The following DYNC1I1 variants were observed in gnomAD, a reference collection of about 807,000 sequenced individuals.
DYNC1I1 encodes the protein dynein cytoplasmic 1 intermediate chain 1.
DYNC1I1 carries 43 observed loss-of-function variants against 86.6 expected under a neutral mutation model. The ratio of observed to expected loss-of-function variants is 0.50; its 90% CI spans 0.39 to 0.64. The LOEUF is 0.64. DYNC1I1 is among the 30% of genes least tolerant of loss of function. The probability of loss-of-function intolerance (pLI) is 0.00; values close to 1 mark genes in which losing one functional copy is unlikely to be tolerated. For missense variants in DYNC1I1, 604 were observed against 788.8 expected (o/e 0.77, Z 2.81); for synonymous variants, 262 against 283.7 (o/e 0.92, Z 0.77).
At chr7:96,061,712 TCACACACACACA>T (rs147547424) in intron 14 of DYNC1I1, among the ~76,000 whole-genome samples, 1 of 136,814 alleles carries the variant, frequency 7.3e-6, no homozygotes, top group East Asian at 2.2e-4. Context: ...TCTCTCTCTC[TCACACACACACA>T]CACACACACA....
In DYNC1I1 at chr7:96,106,523, G is replaced by A. The variant is rs192805160; in HGVS notation, c.1543-3456G>A. ...GCACTCCAGCCTGGGCAACAAGAGC[G>A]AAACCCTGTCTCAAAAAAAAGAAAA... On this transcript the variant is annotated intron_variant, in intron 16 of 16. Transcript: ENST00000537881. Among the ~76,000 whole-genome samples the A allele has an allele frequency of 9.7e-3, 1,470 of 151,736 alleles. 17 individuals are homozygous for A. Among genetic ancestry groups the A allele is most frequent in the African/African-American group, 0.034 (1,401 of 41,360 alleles).
chr7:95,918,403 CTCCTCCCCA>C (rs1194796911), intron 6 of DYNC1I1, among the ~76,000 whole-genome samples: 1 of 152,118 alleles, frequency 6.6e-6, no homozygotes, highest in Non-Finnish European at 1.5e-5. Flanking sequence ...TCTTGTTCTT[CTCCTCCCCA>C]CTTGCTAACC....
chr7:95,971,492 A>T (rs1793169481), intron 6 of DYNC1I1, among the ~76,000 whole-genome samples: 1 of 152,178 alleles, frequency 6.6e-6, no homozygotes, highest in African/African-American at 2.4e-5. Context: ...ATATCCAAAA[A>T]AACAAACAAA....
downstream of DYNC1I1, among the ~76,000 whole-genome samples, chr7:96,100,720 C>G (rs1791122893): frequency 6.8e-6 from 1 of 147,160 alleles, no homozygotes; most frequent in Admixed American, 6.9e-5. Flanking sequence ...TATACTCTGG[C>G]AAGGAGCCTA....
At chr7:95,881,275 A>G (rs562599972) in intron 6 of DYNC1I1, among the ~76,000 whole-genome samples, 9 of 152,312 alleles carry the variant, frequency 5.9e-5, no homozygotes, top group African/African-American at 1.9e-4. Context: ...ATGTGTGTCA[A>G]TGCTGAGCCT....
chr7:95,785,803 AT>A (rs1794127014), intron 1 of DYNC1I1, among the ~76,000 whole-genome samples: 1 of 131,112 alleles, frequency 7.6e-6, no homozygotes, highest in Non-Finnish European at 1.6e-5. Flanking sequence ...ATATATATAT[AT>A]ATATATATAT....
intron 16 of DYNC1I1, among the ~76,000 whole-genome samples, chr7:96,091,863 G>T (rs1790858397): frequency 6.6e-6 from 1 of 152,116 alleles, no homozygotes; most frequent in African/African-American, 2.4e-5. Flanking sequence ...TAAAAATGAA[G>T]AATCCCACTG....
At chr7:95,830,980 A>G (rs1440157305) in intron 5 of DYNC1I1, among the ~76,000 whole-genome samples, 2 of 152,116 alleles carry the variant, frequency 1.3e-5, no homozygotes, top group African/African-American at 4.8e-5. Context: ...AATGTTGAAT[A>G]TCTCTTTAGT....
intron 6 of DYNC1I1, among the ~76,000 whole-genome samples, chr7:95,949,339 T>C (rs1206720226): frequency 6.6e-6 from 1 of 152,176 alleles, no homozygotes; most frequent in Non-Finnish European, 1.5e-5. Context: ...AGTGCACTCA[T>C]CCTTGGAGCA....
intron 2 of DYNC1I1, among the ~76,000 whole-genome samples, chr7:95,808,423 C>G (rs960545736): frequency 7.9e-5 from 12 of 152,058 alleles, no homozygotes; most frequent in African/African-American, 2.9e-4. Context: ...AAATTACCAC[C>G]CTTTGCTCTT....
rs188439843 is a variant in DYNC1I1 at position 96,030,008 on chromosome 7, T to G, written c.1116+1687T>G. 2.0e-4 allele frequency among the ~76,000 whole-genome samples: 30 copies of G among 152,128 alleles called. No homozygotes were observed. The East Asian group carries it at 5.4e-3, about 27-fold the overall frequency. On this transcript the variant is annotated intron_variant, in intron 11 of 16. Coordinates refer to ENST00000447467, the MANE Select transcript of DYNC1I1 (RefSeq NM_001135556.2). ...TGTTGTTGTTGTTGTTGTTTTGGTT[T>G]TTTTCAGGGGGATTTTGTTTGTTTG...
At position 96,080,596 on chromosome 7, in the gene DYNC1I1, G is replaced by A. The variant is rs185659854; in HGVS notation, c.1776+108G>A. 5.5e-5 allele frequency: 87 copies of A among 1,585,528 alleles called. No individual in the cohort carries two copies. In the East Asian group the frequency reaches 1.4e-3, roughly 26 times the overall value. On this transcript the variant is annotated intron_variant, in intron 16 of 16. Transcript: ENST00000447467. ...GTAGGCCACAAGGACCCTCTCTAAC[G>A]TGCTTGTAAATTTCCATTGACTTCA...
rs183734143 is a variant in DYNC1I1 at position 95,975,057 on chromosome 7, C to T, written c.491-2455C>T. ...AAGCGGGATGTGGTTGCAGTTCCTT[C>T]GGGGGAAATTATTCTGTCTTCTCAT... On this transcript the variant is annotated intron_variant, in intron 6 of 16. Coordinates refer to ENST00000447467, the MANE Select transcript of DYNC1I1 (RefSeq NM_001135556.2). Among the ~76,000 whole-genome samples, 7 of 152,202 alleles carry T rather than the reference C, an allele frequency of 4.6e-5. No individual in the cohort carries two copies. The East Asian group carries it at 5.8e-4, about 13-fold the overall frequency.
intron 9 of DYNC1I1, among the ~76,000 whole-genome samples, chr7:95,992,531 G>C (rs1048837343): frequency 6.6e-6 from 1 of 152,146 alleles, no homozygotes; most frequent in African/African-American, 2.4e-5. Flanking sequence ...GCCTACCTTA[G>C]AGGGTTATGA....
chr7:96,073,437 A>G lies in DYNC1I1; in HGVS notation c.1510-2620A>G, dbSNP rs529251447. Among the ~76,000 whole-genome samples the G allele has an allele frequency of 1.5e-4, 23 of 152,386 alleles. No individual in the cohort carries two copies. In the South Asian group the frequency reaches 4.6e-3, roughly 30 times the overall value. ...TCAGAGAAGAAACTACTAAAACAAA[A>G]AAGGAAATAAAACACTGAAGATTTA... is the stretch of plus-strand genomic sequence containing the variant. On this transcript the variant is annotated intron_variant, in intron 14 of 16. Transcript: ENST00000447467.
In DYNC1I1 at chr7:95,958,459, G is replaced by A. The variant is rs530904346; in HGVS notation, c.491-19053G>A. 1.5e-4 allele frequency among the ~76,000 whole-genome samples: 23 copies of A among 152,162 alleles called. No individual in the cohort carries two copies. In the South Asian group the frequency reaches 3.1e-3, roughly 21 times the overall value. On this transcript the variant is annotated intron_variant, in intron 6 of 16. Transcript: ENST00000447467. ...TTTTTTTAAAACATTGGCCCGGAAA[G>A]CTAAAGAAGAAGGATGGCTTGAGCC...
intron 14 of DYNC1I1, among the ~76,000 whole-genome samples, chr7:96,046,661 G>C (rs561973756): frequency 2.0e-5 from 3 of 152,310 alleles, no homozygotes; most frequent in African/African-American, 7.2e-5. Flanking sequence ...TGGTCATCCA[G>C]GTGAGAGCCA....
chr7:95,889,728 A>G (rs987020231), intron 6 of DYNC1I1, among the ~76,000 whole-genome samples: 3 of 152,172 alleles, frequency 2.0e-5, no homozygotes, highest in African/African-American at 7.2e-5. Flanking sequence ...ATCTATAAAA[A>G]AACTTTAACA....
At chr7:95,954,354 C>G (rs890684679) in intron 6 of DYNC1I1, among the ~76,000 whole-genome samples, 3 of 151,752 alleles carry the variant, frequency 2.0e-5, no homozygotes, top group Non-Finnish European at 4.4e-5. Context: ...TCAGTTTACG[C>G]TAGCCTCACT....
Sources: gnomAD v4.1 joint callset for allele counts (sites outside exome capture counted in the v4.1 genomes callset) on GRCh38, gnomAD v4.1.1 for gene constraint, MANE v1.5 for transcripts, NCBI Gene and HGNC (gene_info 2026-07-23, HGNC 2026-07-21) for gene names.